The following RGPD8 variants were observed in gnomAD, a reference collection of about 807,000 sequenced individuals.
RGPD8 encodes the protein RANBP2-like and GRIP domain-containing protein 8.
Under a neutral mutation model 89.1 loss-of-function variants are expected in RGPD8, and 15 were observed. That is an observed-to-expected ratio of 0.17 (90% CI 0.11 to 0.26). RGPD8 has a LOEUF of 0.26. RGPD8 is among the 10% of genes least tolerant of loss of function. The pLI, the probability that RGPD8 is intolerant of heterozygous loss-of-function variation, is 1.00. For missense variants in RGPD8, 178 were observed against 1,179.6 expected (o/e 0.15, Z 12.44); for synonymous variants, 62 against 420.9 (o/e 0.15, Z 10.44).
In RGPD8 at chr2:112,385,741, A is replaced by AATTT. The variant is rs1291196216; in HGVS notation, c.4921+2279_4921+2282dup. Among the ~76,000 whole-genome samples the AATTT allele has an allele frequency of 3.3e-4, 47 of 141,700 alleles. No individual in the cohort carries two copies. In the East Asian group the frequency reaches 1.0e-2, roughly 30 times the overall value. 93.0% of individuals were successfully genotyped at this position (141,700 alleles called of 152,430 possible). A position where few individuals can be genotyped will look rare whatever the true frequency, so the allele number is the denominator to read the frequency against. ...ATTCTTTTTAATATGGCTACTAGAAAATTTATTTATTTATGTATTTATTTG... is the reference window on the plus strand; with the variant it reads ...ATTCTTTTTAATATGGCTACTAGAAAATTTATTTATTTATTTATGTATTTATTTG... On this transcript the variant is annotated intron_variant, in intron 20 of 22. Transcript: ENST00000302558.
At chr2:112,415,325 C>T (rs1489065889) in intron 6 of RGPD8, among the ~76,000 whole-genome samples, 19 of 152,264 alleles carry the variant, frequency 1.2e-4, no homozygotes, top group East Asian at 7.7e-4. Flanking sequence ...GTTCACAAGG[C>T]GGGTAACAAA....
chr2:112,415,990 T>G (rs1417333937), intron 6 of RGPD8, among the ~76,000 whole-genome samples: 1 of 151,758 alleles, frequency 6.6e-6, no homozygotes, highest in African/African-American at 2.4e-5. Flanking sequence ...CTTGGGAGGC[T>G]GAGGCAGGAG....
chr2:112,433,339 C>T (rs1195922478), intron 1 of RGPD8, 43 bp downstream of exon 1: 1 of 1,361,790 alleles, frequency 7.3e-7, no homozygotes, highest in Admixed American at 2.3e-5. Context: ...GCCGCCGCCG[C>T]CCGGCCGGGT....
intron 1 of RGPD8, among the ~76,000 whole-genome samples, chr2:112,427,170 C>T (rs1403512959): frequency 2.0e-5 from 3 of 151,938 alleles, no homozygotes; most frequent in Non-Finnish European, 2.9e-5. Flanking sequence ...ATTCCATTAC[C>T]TTCTTTGCTT....
intron 22 of RGPD8, among the ~76,000 whole-genome samples, chr2:112,371,729 G>C (rs1288835380): frequency 3.0e-5 from 2 of 67,216 alleles, no homozygotes; most frequent in African/African-American, 6.2e-5. Context: ...TTGTGCATAG[G>C]TTTTTGTGTG....
Position 112,425,615 on chromosome 2 carries a change from C to G in RGPD8, c.73-1308G>C, listed in dbSNP as rs201033973. ...TTTCTACTAAAAATACAAAAATTAG[C>G]TGGGCATGGTGGCACACGCCTGTAA... On this transcript the variant is annotated intron_variant, in intron 1 of 22. Transcript: ENST00000302558. Among the ~76,000 whole-genome samples the G allele has an allele frequency of 4.9e-4, 74 of 151,938 alleles. 2 individuals are homozygous for G. The East Asian group carries it at 0.014, about 28-fold the overall frequency.
chr2:112,425,253 T>G (rs1679720676), intron 1 of RGPD8, among the ~76,000 whole-genome samples: 1 of 149,586 alleles, frequency 6.7e-6, no homozygotes, highest in Admixed American at 6.7e-5. Flanking sequence ...TCTCCTACCA[T>G]GTGTAAGCCT....
chr2:112,432,383 G>C, intron 1 of RGPD8: 3 of 683,706 alleles, frequency 4.4e-6, no homozygotes, highest in Non-Finnish European at 5.4e-6. Flanking sequence ...GGGCGGGGAG[G>C]GGGGCGAGGG....
intron 1 of RGPD8, among the ~76,000 whole-genome samples, chr2:112,428,865 G>A (rs1679891340): frequency 6.6e-6 from 1 of 151,182 alleles, no homozygotes; most frequent in Admixed American, 6.6e-5. Context: ...AAACGTGGGT[G>A]CAGCACACCA....
At chr2:112,417,027 TA>T (rs201788611) in intron 6 of RGPD8, among the ~76,000 whole-genome samples, 165 bp downstream of exon 6, 3,322 of 148,658 alleles carry the variant, frequency 0.022, 90 homozygotes, top group Non-Finnish European at 0.033. Flanking sequence ...AACTTCCCTG[TA>T]AAAGAAGAAA....
chr2:112,414,711 C>T (rs1274578097), intron 6 of RGPD8, among the ~76,000 whole-genome samples: 10 of 67,562 alleles, frequency 1.5e-4, no homozygotes, highest in African/African-American at 7.2e-4. Flanking sequence ...CCAAGGTAGA[C>T]GGATCAAGAG....
intron 22 of RGPD8, 147 bp from the exon 23 acceptor site, chr2:112,370,359 G>GGTCT (rs1249646916): frequency 6.9e-5 from 7 of 100,752 alleles, no homozygotes; most frequent in African/African-American, 1.4e-4. Context: ...GGGGGGGGGG[G>GGTCT]TTCTTTTTTT....
intron 2 of RGPD8, among the ~76,000 whole-genome samples, chr2:112,423,814 A>G (rs923157449): frequency 2.0e-5 from 3 of 152,336 alleles, no homozygotes; most frequent in African/African-American, 7.2e-5. Flanking sequence ...GCCTTACAGC[A>G]TCACATATTG....
intron 1 of RGPD8, among the ~76,000 whole-genome samples, chr2:112,425,558 G>A (rs996687209): frequency 1.3e-5 from 2 of 151,644 alleles, no homozygotes; most frequent in African/African-American, 2.4e-5. Flanking sequence ...CCAAGAGTTC[G>A]AGACCAGCCT....
chr2:112,432,852 G>T (rs1463473857), intron 1 of RGPD8, among the ~76,000 whole-genome samples: 1 of 152,232 alleles, frequency 6.6e-6, no homozygotes, highest in Non-Finnish European at 1.5e-5. Flanking sequence ...GCTTGCAAGC[G>T]CCACGCCGCC....
intron 1 of RGPD8, among the ~76,000 whole-genome samples, chr2:112,425,985 C>A (rs1679753397): frequency 1.3e-5 from 2 of 152,044 alleles, no homozygotes; most frequent in Admixed American, 6.5e-5. Context: ...TTATCACACA[C>A]TGTGGCTGTA....
chr2:112,370,830 T>C (rs1317331344), intron 22 of RGPD8, among the ~76,000 whole-genome samples: 3 of 151,276 alleles, frequency 2.0e-5, no homozygotes, highest in Non-Finnish European at 4.4e-5. Flanking sequence ...AATGGCTTTA[T>C]TAAAGCAATC....
intron 1 of RGPD8, among the ~76,000 whole-genome samples, chr2:112,430,644 CT>C (rs60900008): frequency 0.06 from 7,882 of 130,328 alleles, 651 homozygotes; most frequent in African/African-American, 0.19. Flanking sequence ...TCTAAGGTTG[CT>C]TTTTTTTTTT....
chr2:112,415,998 G>A (rs566849827), intron 6 of RGPD8, among the ~76,000 whole-genome samples: 53 of 151,982 alleles, frequency 3.5e-4, no homozygotes, highest in African/African-American at 1.2e-3. Flanking sequence ...GCTGAGGCAG[G>A]AGAATCGCCT....
Sources: gnomAD v4.1 joint callset for allele counts (sites outside exome capture counted in the v4.1 genomes callset) on GRCh38, gnomAD v4.1.1 for gene constraint, MANE v1.5 for transcripts, NCBI Gene and HGNC (gene_info 2026-07-23, HGNC 2026-07-21) for gene names.